Variants in FREM1 observed in about 807,000 individuals in gnomAD.
The protein encoded by FREM1 is FRAS1 related extracellular matrix 1, also known as FRAS1-related extracellular matrix protein 1.
FREM1 carries 220 observed loss-of-function variants against 210.1 expected under a neutral mutation model. That is an observed-to-expected ratio of 1.05 (90% CI 0.94 to 1.17). The LOEUF (loss-of-function observed/expected upper bound fraction) is 1.17, where lower values mean the gene tolerates loss of function less well. Among genes scored for constraint, FREM1 ranks in the 50% most tolerant of loss-of-function variants. The pLI, the probability that FREM1 is intolerant of heterozygous loss-of-function variation, is 0.00. For missense variants in FREM1, 3,454 were observed against 2,675.5 expected (o/e 1.29, Z -6.42); for synonymous variants, 1,189 against 980.2 (o/e 1.21, Z -3.98).
At chr9:14,861,703 T>A (rs373881099) in intron 3 of FREM1, among the ~76,000 whole-genome samples, 17 of 151,778 alleles carry the variant, frequency 1.1e-4, no homozygotes, top group African/African-American at 4.1e-4. Context: ...GATGGGGTTT[T>A]GCCATGTTGA....
chr9:14,751,807 A>C (rs896367193), intron 29 of FREM1: 2 of 152,072 alleles, frequency 1.3e-5, no homozygotes, highest in African/African-American at 4.8e-5. Context: ...CCTCAACAGA[A>C]GTCAATGGAA....
rs745536185 is a variant in FREM1 at position 14,788,969 on chromosome 9, T to C, written c.4127A>G (p.Asn1376Ser). The change falls in exon 23 of 37, where the codon AAC becomes AGC. Residue 1376 changes from asparagine to serine, a missense_variant. Transcript: ENST00000380880. ...SFTFYLWDGN[N>S]RSPALDCQIT... ...TTGACAGTCAAGAGCAGGGGACCTG[T>C]TGTTGCCATCCCAAAGGTAGAAGGT... 21 of 1,613,256 alleles carry C rather than the reference T, an allele frequency of 1.3e-5. No homozygotes were observed. Among genetic ancestry groups the C allele is most frequent in the Middle Eastern group, 1.7e-4 (1 of 6,058 alleles).
chr9:14,742,636 T>C (rs1841775309), intron 35 of FREM1, among the ~76,000 whole-genome samples: 1 of 152,182 alleles, frequency 6.6e-6, no homozygotes, highest in Non-Finnish European at 1.5e-5. Context: ...CAGAAATATT[T>C]GTTAAATGAA....
At chr9:14,823,955 A>C in intron 12 of FREM1, 70 bp downstream of exon 12, 1 of 850,726 alleles carries the variant, frequency 1.2e-6, no homozygotes, top group Non-Finnish European at 1.8e-6. Context: ...CAGGCACAAT[A>C]CTAGGCATGC....
At chr9:14,817,544 C>T (rs141154479) in intron 14 of FREM1, among the ~76,000 whole-genome samples, 192 of 152,304 alleles carry the variant, frequency 1.3e-3, no homozygotes, top group Middle Eastern at 6.8e-3. Flanking sequence ...TCCACATACT[C>T]TCCAGCCCAT....
chr9:14,842,669 G>A lies in FREM1; in HGVS notation c.1394-9C>T. ...GAGAAACCCTTTCCCCCCTGAGGGA[G>A]AGAGCAGAGATGGAGCAGATTGAGC... On this transcript the variant is annotated splice_polypyrimidine_tract_variant and intron_variant, in intron 8 of 36. Coordinates refer to ENST00000380880, the MANE Select transcript of FREM1 (RefSeq NM_001379081.2). The A allele has an allele frequency of 6.2e-7, 1 of 1,603,526 alleles. No individual in the cohort carries two copies. Among genetic ancestry groups the A allele is most frequent in the South Asian group, 1.1e-5 (1 of 90,600 alleles).
chr9:14,755,184 C>G (rs7027137), intron 29 of FREM1, among the ~76,000 whole-genome samples: 151,374 of 152,362 alleles, frequency 0.99, 75,204 homozygotes, highest in East Asian at 1. Flanking sequence ...AAGCTACCCA[C>G]TGTTTGATGC....
chr9:14,799,092 A>C (rs977394329), intron 20 of FREM1, among the ~76,000 whole-genome samples: 1 of 152,162 alleles, frequency 6.6e-6, no homozygotes, highest in African/African-American at 2.4e-5. Context: ...CAGCCTGGAC[A>C]ACACAGGGAG....
At position 14,808,082 on chromosome 9, in the gene FREM1, C is replaced by A. The variant is rs778830364; in HGVS notation, c.2946G>T (p.Ser982=). 3.1e-6 allele frequency: 5 copies of A among 1,613,198 alleles called. No individual in the cohort carries two copies. The East Asian group carries it at 6.7e-5, about 22-fold the overall frequency. ...PCFDTITLVV[S]DGEAGPFVNG... ...TCACAAAAGGGCCAGCCTCTCCATC[C>A]GAAACCACCAATGTAATGGTGTCAA... Residue 982 remains serine (S), a synonymous_variant, in exon 17 of 37, where the codon TCG becomes TCT. Coordinates refer to ENST00000380880, the MANE Select transcript of FREM1 (RefSeq NM_001379081.2).
chr9:14,875,857 T>C (rs1833612765), intron 1 of FREM1, among the ~76,000 whole-genome samples: 2 of 152,232 alleles, frequency 1.3e-5, no homozygotes, highest in Admixed American at 6.5e-5. Flanking sequence ...GTTTTTGGTG[T>C]GGATGTCCTT....
intron 23 of FREM1, 109 bp from the exon 24 acceptor site, chr9:14,784,743 G>A (rs1396789736): frequency 1.3e-5 from 9 of 680,296 alleles, no homozygotes; most frequent in South Asian, 4.8e-5. Flanking sequence ...AAATTAATAC[G>A]ACATAGAAAG....
chr9:14,741,748 T>C (rs1042683385), intron 35 of FREM1, among the ~76,000 whole-genome samples: 1 of 152,252 alleles, frequency 6.6e-6, no homozygotes, highest in Admixed American at 6.5e-5. Flanking sequence ...CTGAATTCCC[T>C]AATTCTCTTA....
chr9:14,895,382 T>C (rs1837523923), intron 1 of FREM1, among the ~76,000 whole-genome samples: 1 of 152,174 alleles, frequency 6.6e-6, no homozygotes. Context: ...TCAGTTGTTT[T>C]TTGAGTATTT....
chr9:14,751,778 T>G (rs1843440621), intron 29 of FREM1: 2 of 152,076 alleles, frequency 1.3e-5, no homozygotes, highest in South Asian at 4.2e-4. Context: ...GATCTCATGA[T>G]CTAATCAGTC....
At position 14,840,241 on chromosome 9, in the gene FREM1, G is replaced by C. The variant is rs545157577; in HGVS notation, c.1881+1206C>G. Among the ~76,000 whole-genome samples, 12 of 152,316 alleles carry C rather than the reference G, an allele frequency of 7.9e-5. No individual in the cohort carries two copies. The East Asian group carries it at 2.1e-3, about 27-fold the overall frequency. ...TAAGCAGTCATTCTAGAACAGGTTG[G>C]AAATTTGCTTGGATCCATATACAGG... On this transcript the variant is annotated intron_variant, in intron 10 of 36. Coordinates refer to ENST00000380880, the MANE Select transcript of FREM1 (RefSeq NM_001379081.2).
At chr9:14,846,357 T>G (rs1384861847) in intron 7 of FREM1, among the ~76,000 whole-genome samples, 2 of 152,090 alleles carry the variant, frequency 1.3e-5, no homozygotes, top group African/African-American at 4.8e-5. Flanking sequence ...CAGAGCCTGT[T>G]CGGGGGTAGA....
intron 1 of FREM1, among the ~76,000 whole-genome samples, chr9:14,881,278 A>G (rs1308615689): frequency 1.3e-5 from 2 of 152,178 alleles, no homozygotes; most frequent in Non-Finnish European, 2.9e-5. Flanking sequence ...GTTGTGTATC[A>G]CTGGTCAGCC....
chr9:14,893,107 A>G (rs887038177), intron 1 of FREM1, among the ~76,000 whole-genome samples: 6 of 152,134 alleles, frequency 3.9e-5, no homozygotes, highest in Non-Finnish European at 7.3e-5. Flanking sequence ...AGGGCCACTC[A>G]GAGAAAGGAA....
chr9:14,765,257 T>C (rs1846187445), intron 27 of FREM1, among the ~76,000 whole-genome samples: 1 of 152,192 alleles, frequency 6.6e-6, no homozygotes, highest in Non-Finnish European at 1.5e-5. Context: ...CATTTTTCTC[T>C]TTTTCTCTTG....
Sources: allele counts gnomAD v4.1 joint callset (sites outside exome capture counted in the v4.1 genomes callset), GRCh38; gene constraint gnomAD v4.1.1; transcripts MANE v1.5; gene names NCBI Gene and HGNC (gene_info 2026-07-23, HGNC 2026-07-21).